ARID4A: variants seen among roughly 807,000 people sequenced by gnomAD.
ARID4A encodes the protein AT-rich interactive domain-containing protein 4A.
In ARID4A, 39 loss-of-function variants were observed where a neutral mutation model predicts 148.6. That is an observed-to-expected ratio of 0.26 (90% confidence interval 0.20 to 0.34). The LOEUF is 0.34. ARID4A is among the 10% of genes least tolerant of loss of function. ARID4A has a pLI of 1.00. For missense variants in ARID4A, 1,265 were observed against 1,449.1 expected (o/e 0.87, Z 2.06); for synonymous variants, 475 against 481.2 (o/e 0.99, Z 0.17).
intron 8 of ARID4A, among the ~76,000 whole-genome samples, chr14:58,324,198 T>C (rs1369671760): frequency 1.3e-5 from 2 of 152,152 alleles, no homozygotes; most frequent in Non-Finnish European, 2.9e-5. Context: ...CCACCGCGCC[T>C]GGCCTTAACT....
intron 7 of ARID4A, among the ~76,000 whole-genome samples, chr14:58,319,945 TTTC>T (rs1268611409): frequency 6.7e-6 from 1 of 149,674 alleles, no homozygotes; most frequent in African/African-American, 2.4e-5. Flanking sequence ...ATTTTTTTCT[TTTC>T]TTTTTTTTTT....
At chr14:58,333,218 C>G (rs888708356) in intron 11 of ARID4A, among the ~76,000 whole-genome samples, 17 of 151,956 alleles carry the variant, frequency 1.1e-4, no homozygotes, top group African/African-American at 3.9e-4. Flanking sequence ...GAAAAAATCC[C>G]TGGGGGATAT....
chr14:58,371,067 A>G (rs1300582532), intron 23 of ARID4A, among the ~76,000 whole-genome samples: 1 of 152,122 alleles, frequency 6.6e-6, no homozygotes. Flanking sequence ...GAGCAGGAAG[A>G]TCACTTGAGT....
Position 58,306,123 on chromosome 14 carries a change from A to C in ARID4A, c.274+11A>C. On this transcript the variant is annotated intron_variant, in intron 5 of 23. Coordinates refer to ENST00000355431, the MANE Select transcript of ARID4A (RefSeq NM_002892.4). ...GTTGGTATACCGTGGGTAAGTAATT[A>C]AGTAATTTAACACAGATTTGATTTG... 1 of 1,589,336 alleles carries C rather than the reference A, an allele frequency of 6.3e-7. No homozygotes were observed.
At chr14:58,349,576 T>C (rs2034539576) in intron 15 of ARID4A, among the ~76,000 whole-genome samples, 1 of 152,046 alleles carries the variant, frequency 6.6e-6, no homozygotes, top group Admixed American at 6.6e-5. Context: ...CTTCTAAAAA[T>C]GGCATTTCTC....
rs145690375 is a variant in ARID4A at position 58,300,272 on chromosome 14, C to T, written c.6+412C>T. ...GGATTAAGTAATGAAGGTATCATTT[C>T]TTCTGTGTGTAAAATGAACTTATGT... On this transcript the variant is annotated intron_variant, in intron 2 of 23. Transcript: ENST00000355431. Among the ~76,000 whole-genome samples the T allele has an allele frequency of 4.1e-4, 63 of 152,206 alleles. No individual in the cohort carries two copies. The East Asian group carries it at 0.011, about 28-fold the overall frequency.
intron 2 of ARID4A, 116 bp downstream of exon 2, chr14:58,299,976 C>T: frequency 1.4e-6 from 2 of 1,437,662 alleles, no homozygotes; most frequent in South Asian, 1.1e-5. Context: ...TACTGATCAG[C>T]AGTTTCGGCA....
chr14:58,363,689 A>G (rs948573224), intron 19 of ARID4A, among the ~76,000 whole-genome samples: 1 of 151,878 alleles, frequency 6.6e-6, no homozygotes, highest in Non-Finnish European at 1.5e-5. Flanking sequence ...AAGTGAGACT[A>G]TGTCTCAAAA....
At chr14:58,349,634 A>G (rs1221729289) in intron 15 of ARID4A, among the ~76,000 whole-genome samples, 1 of 152,028 alleles carries the variant, frequency 6.6e-6, no homozygotes, top group African/African-American at 2.4e-5. Flanking sequence ...GAAGTGCTTG[A>G]ACCCAGGAGG....
chr14:58,324,760 C>G (rs1174762335), intron 8 of ARID4A, among the ~76,000 whole-genome samples: 1 of 151,994 alleles, frequency 6.6e-6, no homozygotes, highest in Non-Finnish European at 1.5e-5. Flanking sequence ...CTTTAACTGC[C>G]CTGTATTTAA....
rs779291787 is a variant in ARID4A at position 58,346,483 on chromosome 14, A to T, written c.1052A>T (p.Tyr351Phe). The T allele has an allele frequency of 1.1e-5, 18 of 1,609,744 alleles. No homozygotes were observed. In the East Asian group the frequency reaches 3.8e-4, roughly 34 times the overall value. ...LNLFKLFRLV[Y>F]HQGGCDNIDS... ...CTCTTCAAACTCTTCAGACTGGTTT[A>T]TCATCAGGGTGGATGTGACAATGTA... Residue 351 changes from tyrosine (Y) to phenylalanine (F), a missense_variant, in exon 13 of 24, where the codon TAT becomes TTT. This residue lies in a region of ARID4A where 249 missense variants were observed against 277.2 expected (regional missense o/e 0.90). Transcript: ENST00000355431.
rs2035676415 is a variant in ARID4A, at chr14:58,373,121, A to G, written c.*1132A>G. 5.0e-6 allele frequency: 1 copy of G among 198,350 alleles called. No homozygotes were observed. Among genetic ancestry groups the G allele is most frequent in the Non-Finnish European group, 1.0e-5 (1 of 95,628 alleles). 12.3% of individuals were successfully genotyped at this position (198,350 alleles called of 1,614,324 possible). A position where few individuals can be genotyped will look rare whatever the true frequency, so the allele number is the denominator to read the frequency against. On this transcript the variant is annotated 3_prime_UTR_variant, in exon 24 of 24. Transcript: ENST00000355431. ...AGAAACTTTGGCAGTCCTAGTATTT[A>G]AACTGTTTTGAGGATCAAATTTTTG...
intron 1 of ARID4A, 139 bp from the exon 2 acceptor site, chr14:58,299,659 G>T: frequency 1.5e-6 from 1 of 674,040 alleles, no homozygotes; most frequent in Non-Finnish European, 2.5e-6. Context: ...CTGCGTCCTG[G>T]CTGCCCTCGT....
chr14:58,334,686 A>G (rs373895293), intron 11 of ARID4A, among the ~76,000 whole-genome samples: 10 of 152,298 alleles, frequency 6.6e-5, no homozygotes, highest in African/African-American at 2.4e-4. Context: ...TCAAGGCACA[A>G]TTGATAGTGT....
intron 23 of ARID4A, chr14:58,370,149 A>G (rs938890288): frequency 6.6e-6 from 1 of 152,250 alleles, no homozygotes; most frequent in Non-Finnish European, 1.5e-5. Context: ...TTTTCTTTTA[A>G]AAACTGTAAA....
At chr14:58,348,415 T>G (rs1045834479) in intron 15 of ARID4A, among the ~76,000 whole-genome samples, 1 of 152,228 alleles carries the variant, frequency 6.6e-6, no homozygotes, top group African/African-American at 2.4e-5. Context: ...GTTGAATAAA[T>G]GAATCACCTC....
At chr14:58,366,741 T>C in intron 22 of ARID4A, 142 bp from the exon 23 acceptor site, 1 of 557,410 alleles carries the variant, frequency 1.8e-6, no homozygotes. Flanking sequence ...TTCCTTGTTT[T>C]CAGTCTTATT....
intron 8 of ARID4A, among the ~76,000 whole-genome samples, chr14:58,324,795 A>G (rs1181151596): frequency 6.6e-6 from 1 of 152,154 alleles, no homozygotes; most frequent in Non-Finnish European, 1.5e-5. Context: ...CTAAGCATTT[A>G]TCCCTGCCTT....
chr14:58,359,582 C>T (rs1331408064), intron 18 of ARID4A, among the ~76,000 whole-genome samples: 1 of 152,134 alleles, frequency 6.6e-6, no homozygotes, highest in East Asian at 1.9e-4. Context: ...CCTAAAAATC[C>T]TTTATGTTCT....
Sources: gnomAD v4.1 joint callset for allele counts (sites outside exome capture counted in the v4.1 genomes callset) on GRCh38, gnomAD v4.1.1 for gene constraint, gnomAD v4.1.1 regional missense constraint, MANE v1.5 for transcripts, NCBI Gene and HGNC (gene_info 2026-07-23, HGNC 2026-07-21) for gene names.